HPSE2: variants seen among roughly 807,000 people sequenced by gnomAD.
HPSE2 encodes the protein inactive heparanase-2.
In HPSE2, 38 loss-of-function variants were observed where a neutral mutation model predicts 60.5. The observed-to-expected ratio is 0.63, with a 90% CI of 0.48 to 0.82. The LOEUF (loss-of-function observed/expected upper bound fraction) is 0.82, where lower values mean the gene tolerates loss of function less well. Ranked by LOEUF, HPSE2 falls within the 40% of genes least tolerant of loss-of-function variation. HPSE2 has a pLI of 0.00. For synonymous variants in HPSE2, 295 were observed against 293.2 expected, an observed-to-expected ratio of 1.01 and a Z score of -0.06; for missense variants, 713 against 740.4, an observed-to-expected ratio of 0.96 and a Z score of 0.43.
At chr10:98,562,692 C>T (rs1218685181) in intron 9 of HPSE2, among the ~76,000 whole-genome samples, 5 of 118,326 alleles carry the variant, frequency 4.2e-5, no homozygotes, top group Non-Finnish European at 4.9e-5. Flanking sequence ...TCCAGCCTGG[C>T]GAACAGAGTG....
At chr10:99,266,338 G>T in the HPSE2 span, among the ~76,000 whole-genome samples, 2 of 150,702 alleles carry the variant, frequency 1.3e-5, no homozygotes, top group Admixed American at 1.3e-4. Context: ...AACGTTTTGG[G>T]CTGTATGGGA....
At chr10:98,885,499 G>A (rs1953138827) in intron 3 of HPSE2, among the ~76,000 whole-genome samples, 1 of 152,084 alleles carries the variant, frequency 6.6e-6, no homozygotes, top group South Asian at 2.1e-4. Flanking sequence ...ATGAAAAGAA[G>A]AGTTGACCAA....
chr10:99,005,732 C>A (rs1956876372), intron 3 of HPSE2, among the ~76,000 whole-genome samples: 1 of 152,052 alleles, frequency 6.6e-6, no homozygotes, highest in African/African-American at 2.4e-5. Context: ...TGTCATGTTT[C>A]CTCTTATCTT....
intron 3 of HPSE2, among the ~76,000 whole-genome samples, chr10:98,945,695 A>G (rs1211953228): frequency 2.0e-5 from 3 of 152,164 alleles, no homozygotes; most frequent in Non-Finnish European, 4.4e-5. Context: ...TGCATTAAGT[A>G]AATGGAATTC....
At chr10:98,726,479 C>A (rs1402042371) in intron 4 of HPSE2, among the ~76,000 whole-genome samples, 2 of 79,380 alleles carry the variant, frequency 2.5e-5, no homozygotes, top group African/African-American at 5.1e-5. Context: ...ACACCAGGGA[C>A]TGTTGTGGGG....
At chr10:99,305,374 A>T in the HPSE2 span, among the ~76,000 whole-genome samples, 1 of 152,232 alleles carries the variant, frequency 6.6e-6, no homozygotes, top group Admixed American at 6.5e-5. Flanking sequence ...ACTTCCTAGG[A>T]ACAGGGAAAC....
At chr10:99,298,201 C>T in the HPSE2 span, among the ~76,000 whole-genome samples, 2 of 152,202 alleles carry the variant, frequency 1.3e-5, no homozygotes, top group Non-Finnish European at 2.9e-5. Flanking sequence ...CCCTTCCTCC[C>T]TTACACAGTC....
intron 6 of HPSE2, among the ~76,000 whole-genome samples, chr10:98,676,243 TC>T (rs370045476): frequency 3.1e-4 from 47 of 152,314 alleles, no homozygotes; most frequent in African/African-American, 1.1e-3. Context: ...TCTCAAACTT[TC>T]CCTCCTTAGG....
At chr10:99,037,591 A>G (rs990836824) in intron 3 of HPSE2, among the ~76,000 whole-genome samples, 1 of 152,004 alleles carries the variant, frequency 6.6e-6, no homozygotes, top group Non-Finnish European at 1.5e-5. Context: ...TATGTACATA[A>G]TATTAATATA....
intron 3 of HPSE2, among the ~76,000 whole-genome samples, chr10:98,873,346 T>A (rs1269276520): frequency 2.0e-5 from 3 of 151,914 alleles, no homozygotes. Context: ...ATCCTCTAAG[T>A]TGCCTTCCCT....
chr10:98,687,079 T>C (rs79945032), intron 6 of HPSE2, among the ~76,000 whole-genome samples: 1,548 of 152,324 alleles, frequency 0.01, 7 homozygotes, highest in East Asian at 0.035. Flanking sequence ...TTTTTCTTTG[T>C]ATATTTTGAA....
At chr10:99,165,059 G>A (rs1847018565) in intron 2 of HPSE2, among the ~76,000 whole-genome samples, 1 of 121,108 alleles carries the variant, frequency 8.3e-6, no homozygotes, top group African/African-American at 3.0e-5. Context: ...CTCCAGTCTG[G>A]CAACAGAGCA....
At chr10:99,092,511 C>G (rs936106793) in intron 3 of HPSE2, among the ~76,000 whole-genome samples, 4 of 152,176 alleles carry the variant, frequency 2.6e-5, no homozygotes, top group African/African-American at 9.7e-5. Flanking sequence ...GAAGAATATT[C>G]TGAAAACCCT....
chr10:98,732,164 G>A (rs942821566), intron 4 of HPSE2, among the ~76,000 whole-genome samples: 1 of 152,208 alleles, frequency 6.6e-6, no homozygotes, highest in East Asian at 1.9e-4. Flanking sequence ...GATAATCTAA[G>A]CTCGTGATAG....
chr10:99,049,151 A>T (rs1957931975), intron 3 of HPSE2, among the ~76,000 whole-genome samples: 1 of 152,194 alleles, frequency 6.6e-6, no homozygotes, highest in Non-Finnish European at 1.5e-5. Context: ...ACCTGGATGC[A>T]ATATACCCAT....
At chr10:98,712,702 A>G (rs888024091) in intron 5 of HPSE2, among the ~76,000 whole-genome samples, 1 of 152,096 alleles carries the variant, frequency 6.6e-6, no homozygotes, top group African/African-American at 2.4e-5. Flanking sequence ...TCCTTTGCTC[A>G]ACTTTAAATG....
At chr10:99,065,547 G>A (rs1349946887) in intron 3 of HPSE2, among the ~76,000 whole-genome samples, 1 of 152,100 alleles carries the variant, frequency 6.6e-6, no homozygotes, top group African/African-American at 2.4e-5. Flanking sequence ...CCAAACTGAT[G>A]GGCCCTGTCC....
intron 3 of HPSE2, among the ~76,000 whole-genome samples, chr10:99,110,243 G>C (rs1248641770): frequency 6.6e-6 from 1 of 152,138 alleles, no homozygotes; most frequent in Non-Finnish European, 1.5e-5. Context: ...ACTTGAAAAA[G>C]AGACTGCATT....
intron 3 of HPSE2, among the ~76,000 whole-genome samples, chr10:98,908,552 G>A (rs1333675485): frequency 1.3e-5 from 2 of 151,874 alleles, no homozygotes; most frequent in African/African-American, 2.4e-5. Context: ...GCATGGTGGT[G>A]CATGCCTGTA....
Sources: gnomAD v4.1 joint callset for allele counts (sites outside exome capture counted in the v4.1 genomes callset) on GRCh38, gnomAD v4.1.1 for gene constraint, MANE v1.5 for transcripts, NCBI Gene and HGNC (gene_info 2026-07-23, HGNC 2026-07-21) for gene names.